Variants in TBCA observed in about 807,000 individuals in gnomAD.
The protein encoded by TBCA is tubulin-specific chaperone A.
In TBCA, 6 loss-of-function variants were observed where a neutral mutation model predicts 15.8. The observed-to-expected ratio is 0.38, with a 90% confidence interval of 0.21 to 0.75. The LOEUF (loss-of-function observed/expected upper bound fraction) is 0.75, where lower values mean the gene tolerates loss of function less well. Among genes scored for constraint, TBCA ranks in the 30% least tolerant of loss-of-function variants. The probability of loss-of-function intolerance (pLI) is 0.46; values close to 1 mark genes in which losing one functional copy is unlikely to be tolerated. For synonymous variants in TBCA, 32 were observed against 42.3 expected, an observed-to-expected ratio of 0.76 and a Z score of 0.94; for missense variants, 90 against 131.2, an observed-to-expected ratio of 0.69 and a Z score of 1.53.
intron 2 of TBCA, chr5:77,705,766 A>T (rs1217549534): frequency 2.6e-6 from 1 of 391,272 alleles, no homozygotes; most frequent in East Asian, 3.6e-5. Context: ...AGTTTGAGGC[A>T]GTAACAGTGA....
rs189325112 is a variant in TBCA at position 77,775,491 on chromosome 5, C to A, written c.53+714G>T. Among the ~76,000 whole-genome samples, 1,278 of 152,288 alleles carry A rather than the reference C, an allele frequency of 8.4e-3. 11 individuals are homozygous for A. Among genetic ancestry groups the A allele is most frequent in the Admixed American group, 0.011 (174 of 15,296 alleles). On this transcript the variant is annotated intron_variant, in intron 1 of 3. Coordinates refer to ENST00000380377, the MANE Select transcript of TBCA (RefSeq NM_004607.3). ...CCGCCTTGGGCACATGTCATCAGGA[C>A]CTCCTGAGGCTGTGTCATGGGCACG...
At chr5:77,731,806 G>A (rs421846) in intron 1 of TBCA, among the ~76,000 whole-genome samples, 57,796 of 151,790 alleles carry the variant, frequency 0.38, 11,014 homozygotes, top group South Asian at 0.41. Context: ...ACATAGATAA[G>A]GACTTTCCAA....
At chr5:77,720,515 A>T (rs190253423) in intron 1 of TBCA, among the ~76,000 whole-genome samples, 152 of 152,216 alleles carry the variant, frequency 1.0e-3, no homozygotes, top group African/African-American at 3.4e-3. Flanking sequence ...GGAGTTCAAG[A>T]CCAGCTTGGC....
chr5:77,693,037 T>TA (rs1745790637), intron 3 of TBCA: 1 of 1,426,806 alleles, frequency 7.0e-7, no homozygotes, highest in Admixed American at 3.1e-5. Flanking sequence ...TTTAACTAGC[T>TA]AAATTTTAAT....
chr5:77,748,074 G>C (rs1392057536), intron 1 of TBCA, among the ~76,000 whole-genome samples: 1 of 152,032 alleles, frequency 6.6e-6, no homozygotes, highest in South Asian at 2.1e-4. Context: ...CATAAGCAAT[G>C]GTTATTCTTC....
chr5:77,696,684 G>T (rs1179876524), intron 2 of TBCA, among the ~76,000 whole-genome samples: 1 of 152,216 alleles, frequency 6.6e-6, no homozygotes, highest in South Asian at 2.1e-4. Context: ...CACTTTAGGA[G>T]GCCAAGGCAG....
chr5:77,775,094 A>G (rs915336857), intron 1 of TBCA, among the ~76,000 whole-genome samples: 1 of 152,116 alleles, frequency 6.6e-6, no homozygotes, highest in Non-Finnish European at 1.5e-5. Flanking sequence ...CACCCTGGCA[A>G]TGTAAATTGA....
Position 77,776,289 on chromosome 5 carries a change from G to T in TBCA, c.-32C>A. 6.4e-7 allele frequency: 1 copy of T among 1,564,886 alleles called. No individual in the cohort carries two copies. Among genetic ancestry groups the T allele is most frequent in the South Asian group, 1.2e-5 (1 of 84,988 alleles). ...TCGAGCGCCGCGAGAAGGAGGGGCG[G>T]AGAGCCGGGGTAACCGTGGAGGGCG... On this transcript the variant is annotated 5_prime_UTR_variant, in exon 1 of 4. Coordinates refer to ENST00000380377, the MANE Select transcript of TBCA (RefSeq NM_004607.3).
chr5:77,768,395 G>C (rs1157421304), intron 1 of TBCA, among the ~76,000 whole-genome samples: 1 of 152,150 alleles, frequency 6.6e-6, no homozygotes, highest in Non-Finnish European at 1.5e-5. Context: ...AACTTTCCCA[G>C]GGTCACATAT....
At chr5:77,696,692 C>G (rs527972848) in intron 2 of TBCA, among the ~76,000 whole-genome samples, 1 of 152,238 alleles carries the variant, frequency 6.6e-6, no homozygotes, top group South Asian at 2.1e-4. Context: ...GAGGCCAAGG[C>G]AGGAAGATAG....
chr5:77,708,912 G>A (rs1233275079), intron 1 of TBCA, among the ~76,000 whole-genome samples: 2 of 150,756 alleles, frequency 1.3e-5, no homozygotes, highest in African/African-American at 2.4e-5. Flanking sequence ...ACCCACTTCA[G>A]TATATTATAA....
intron 1 of TBCA, among the ~76,000 whole-genome samples, chr5:77,763,512 A>G (rs556210877): frequency 6.6e-6 from 1 of 152,296 alleles, no homozygotes; most frequent in East Asian, 1.9e-4. Flanking sequence ...CCCAATTCAT[A>G]TATCTTAACG....
chr5:77,703,876 G>A (rs1746080520), intron 2 of TBCA, among the ~76,000 whole-genome samples: 1 of 152,192 alleles, frequency 6.6e-6, no homozygotes, highest in African/African-American at 2.4e-5. Flanking sequence ...GGGACCTGGT[G>A]GGAGGTGATT....
intron 1 of TBCA, among the ~76,000 whole-genome samples, chr5:77,749,796 T>C (rs531171074): frequency 3.7e-4 from 57 of 152,278 alleles, no homozygotes; most frequent in African/African-American, 1.3e-3. Flanking sequence ...CAGCAAAACT[T>C]TGGAAACAAT....
In TBCA at chr5:77,693,272, C is replaced by T. The variant is rs761133423; in HGVS notation, c.240G>A (p.Arg80=). 24 of 1,613,638 alleles carry T rather than the reference C, an allele frequency of 1.5e-5. No homozygotes were observed. The highest frequency in any genetic ancestry group is 1.3e-5 in the African/African-American group (1 of 74,886). ...CACAGAAGTCTTTGCTTACTAGTAT[C>T]CGTTGAAGATCCAAATATGCGGCTT... ...RLEAAYLDLQ[R]ILENEKDLEE... Residue 80 remains arginine (R), a synonymous_variant, in exon 3 of 4, where the codon CGG becomes CGA. Transcript: ENST00000380377.
chr5:77,770,577 T>G (rs1300073205), intron 1 of TBCA, among the ~76,000 whole-genome samples: 1 of 60,726 alleles, frequency 1.6e-5, no homozygotes, highest in Non-Finnish European at 2.8e-5. Context: ...CCTCCCCCGC[T>G]CCAAAAAAAA....
At chr5:77,717,174 G>C (rs983121488) in intron 1 of TBCA, among the ~76,000 whole-genome samples, 1 of 152,154 alleles carries the variant, frequency 6.6e-6, no homozygotes, top group Non-Finnish European at 1.5e-5. Flanking sequence ...AACCGTAAAA[G>C]CGTACTGCTT....
At chr5:77,771,134 A>C (rs372715572) in intron 1 of TBCA, among the ~76,000 whole-genome samples, 8 of 152,250 alleles carry the variant, frequency 5.3e-5, no homozygotes, top group African/African-American at 1.9e-4. Context: ...AAAAATAAAA[A>C]TAAAAATAAT....
At position 77,717,718 on chromosome 5, in the gene TBCA, A is replaced by G. The variant is rs566809639; in HGVS notation, c.54-9371T>C. Among the ~76,000 whole-genome samples, 169 of 151,962 alleles carry G rather than the reference A, an allele frequency of 1.1e-3. 2 individuals are homozygous for G. The highest frequency in any genetic ancestry group is 3.9e-3 in the African/African-American group (162 of 41,456). ...ATAGTGGTGCACGCCTGTAATCCCAACTACTCGGGAGGCTGAGGCAGGAGA... is the reference window on the plus strand; with the variant it reads ...ATAGTGGTGCACGCCTGTAATCCCAGCTACTCGGGAGGCTGAGGCAGGAGA... On this transcript the variant is annotated intron_variant, in intron 1 of 3. Coordinates refer to ENST00000380377, the MANE Select transcript of TBCA (RefSeq NM_004607.3).
Sources: allele counts gnomAD v4.1 joint callset (sites outside exome capture counted in the v4.1 genomes callset), GRCh38; gene constraint gnomAD v4.1.1; transcripts MANE v1.5; gene names NCBI Gene and HGNC (gene_info 2026-07-23, HGNC 2026-07-21).